Variants in PALLD observed in about 807,000 individuals in gnomAD.
PALLD encodes the protein palladin.
Under a neutral mutation model 123.5 loss-of-function variants are expected in PALLD, and 61 were observed. The observed-to-expected ratio is 0.49, with a 90% confidence interval of 0.40 to 0.61. PALLD has a LOEUF of 0.61. Among genes scored for constraint, PALLD ranks in the 20% least tolerant of loss-of-function variants. PALLD has a pLI of 0.00. For missense variants in PALLD, 1,273 were observed against 1,377.0 expected, an observed-to-expected ratio of 0.92 and a Z score of 1.20; for synonymous variants, 465 against 496.4, an observed-to-expected ratio of 0.94 and a Z score of 0.84.
At chr4:168,755,242 A>AC (rs1731672039) in intron 10 of PALLD, among the ~76,000 whole-genome samples, 1 of 152,030 alleles carries the variant, frequency 6.6e-6, no homozygotes, top group Non-Finnish European at 1.5e-5. Flanking sequence ...CAAAAAAAAA[A>AC]AAAAAAAAAG....
intron 10 of PALLD, among the ~76,000 whole-genome samples, chr4:168,786,754 AAT>A (rs1487604000): frequency 2.6e-5 from 4 of 152,268 alleles, no homozygotes; most frequent in Admixed American, 2.6e-4. Flanking sequence ...TTAATTTCAG[AAT>A]ATTATATGCA....
At chr4:168,730,659 A>G (rs992780874) in intron 10 of PALLD, among the ~76,000 whole-genome samples, 4 of 152,074 alleles carry the variant, frequency 2.6e-5, no homozygotes, top group African/African-American at 4.8e-5. Flanking sequence ...CCAAGTGCCA[A>G]TATCTTCAGG....
intron 10 of PALLD, among the ~76,000 whole-genome samples, chr4:168,778,914 G>A (rs1735527533): frequency 6.6e-6 from 1 of 152,202 alleles, no homozygotes; most frequent in Non-Finnish European, 1.5e-5. Flanking sequence ...TCTTGCTGTA[G>A]CCTTCCAGTG....
At chr4:168,699,298 C>T (rs886360274) in intron 8 of PALLD, among the ~76,000 whole-genome samples, 10 of 152,112 alleles carry the variant, frequency 6.6e-5, no homozygotes, top group Admixed American at 1.3e-4. Context: ...AGGCTGGTCT[C>T]GAGCTGCTGA....
chr4:168,915,092 T>TC (rs1759836581), intron 16 of PALLD, among the ~76,000 whole-genome samples: 1 of 152,228 alleles, frequency 6.6e-6, no homozygotes, highest in African/African-American at 2.4e-5. Context: ...AAGCTTTTTT[T>TC]CCCATAAATT....
chr4:168,513,652 A>G (rs1233917873), intron 2 of PALLD, among the ~76,000 whole-genome samples: 1 of 152,222 alleles, frequency 6.6e-6, no homozygotes, highest in Non-Finnish European at 1.5e-5. Context: ...CAGTAGTGTT[A>G]CCTATTATCT....
intron 16 of PALLD, among the ~76,000 whole-genome samples, chr4:168,915,486 T>A (rs1759908106): frequency 1.3e-5 from 2 of 152,194 alleles, no homozygotes. Flanking sequence ...AAAAATATAT[T>A]GAATTTTTAT....
intron 15 of PALLD, among the ~76,000 whole-genome samples, chr4:168,905,426 G>A (rs1205007760): frequency 6.6e-6 from 1 of 151,814 alleles, no homozygotes; most frequent in Non-Finnish European, 1.5e-5. Flanking sequence ...AGCATTACAG[G>A]TGTGAGGCAC....
chr4:168,878,428 C>T (rs988502333), intron 10 of PALLD: 1 of 1,432,254 alleles, frequency 7.0e-7, no homozygotes, highest in South Asian at 1.4e-5. Flanking sequence ...ACTTCCCTGC[C>T]CCTCCGCCTC....
At chr4:168,807,262 A>T (rs1049478303) in intron 10 of PALLD, among the ~76,000 whole-genome samples, 6 of 150,694 alleles carry the variant, frequency 4.0e-5, no homozygotes, top group African/African-American at 1.5e-4. Context: ...AAAAGCTATG[A>T]GTACACACAC....
chr4:168,526,140 G>T (rs1332090910), intron 2 of PALLD, among the ~76,000 whole-genome samples: 1 of 152,102 alleles, frequency 6.6e-6, no homozygotes, highest in Non-Finnish European at 1.5e-5. Flanking sequence ...TCCAACACAC[G>T]CCTCAAGAAC....
intron 10 of PALLD, among the ~76,000 whole-genome samples, chr4:168,802,622 A>C (rs946928392): frequency 1.3e-5 from 2 of 150,490 alleles, no homozygotes; most frequent in Non-Finnish European, 1.5e-5. Context: ...TTCAAATGTA[A>C]CTACTGTTTG....
chr4:168,631,884 C>G, intron 2 of PALLD: 1 of 985,436 alleles, frequency 1.0e-6, no homozygotes, highest in Non-Finnish European at 1.2e-6. Context: ...GGGCAGACGG[C>G]GTTTTGCGCC....
At chr4:168,764,238 C>T (rs2150461049) in intron 10 of PALLD, among the ~76,000 whole-genome samples, 1 of 152,054 alleles carries the variant, frequency 6.6e-6, no homozygotes, top group East Asian at 1.9e-4. Context: ...GAATAATGGA[C>T]CCTTGTTACT....
intron 16 of PALLD, among the ~76,000 whole-genome samples, chr4:168,914,829 C>T (rs189869295): frequency 1.1e-3 from 163 of 152,276 alleles, no homozygotes; most frequent in African/African-American, 3.6e-3. Flanking sequence ...GAGTAAACAT[C>T]AAACAAGTGG....
At position 168,612,064 on chromosome 4, in the gene PALLD, G is replaced by A. The variant is rs927467491; in HGVS notation, c.909-56126G>A. Among the ~76,000 whole-genome samples, 4 of 152,286 alleles carry A rather than the reference G, an allele frequency of 2.6e-5. No homozygotes were observed. In the South Asian group the frequency reaches 8.3e-4, roughly 32 times the overall value. On this transcript the variant is annotated intron_variant, in intron 2 of 21. Transcript: ENST00000505667. ...AGTCCCAGCTACTTGGGAAGCTGAA[G>A]TGGGAGGACCACTTGAGCCCGAGAG... is the stretch of plus-strand genomic sequence containing the variant.
intron 4 of PALLD, among the ~76,000 whole-genome samples, chr4:168,682,023 T>C (rs974851762): frequency 6.6e-6 from 1 of 152,208 alleles, no homozygotes; most frequent in African/African-American, 2.4e-5. Context: ...ATTACTAAAA[T>C]GTGAGGACCA....
intron 10 of PALLD, among the ~76,000 whole-genome samples, chr4:168,756,627 G>A (rs956462703): frequency 6.6e-6 from 1 of 152,116 alleles, no homozygotes; most frequent in African/African-American, 2.4e-5. Context: ...TTATGGACGT[G>A]GTGAAGAGTA....
At chr4:168,507,537 C>T (rs145075986) in intron 1 of PALLD, 249 of 197,988 alleles carry the variant, frequency 1.3e-3, no homozygotes, top group African/African-American at 5.1e-3. Flanking sequence ...AAAATGAAGA[C>T]GTCCAGATGA....
Sources: gnomAD v4.1 joint callset for allele counts (sites outside exome capture counted in the v4.1 genomes callset) on GRCh38, gnomAD v4.1.1 for gene constraint, MANE v1.5 for transcripts, NCBI Gene and HGNC (gene_info 2026-07-23, HGNC 2026-07-21) for gene names.